Variants in NEDD4 observed in about 807,000 individuals in gnomAD.
NEDD4 encodes NEDD4 E3 ubiquitin protein ligase, also known as E3 ubiquitin-protein ligase NEDD4.
NEDD4 carries 99 observed loss-of-function variants against 144.9 expected under a neutral mutation model. That is an observed-to-expected ratio of 0.68 (90% CI 0.58 to 0.81). The LOEUF (loss-of-function observed/expected upper bound fraction) is 0.81, where lower values mean the gene tolerates loss of function less well. Among genes scored for constraint, NEDD4 ranks in the 30% least tolerant of loss-of-function variants. The pLI is 0.00. For synonymous variants in NEDD4, 318 were observed against 350.6 expected, an observed-to-expected ratio of 0.91 and a Z score of 1.04; for missense variants, 985 against 1,065.9, an observed-to-expected ratio of 0.92 and a Z score of 1.06.
rs534477219 is a variant in NEDD4 at position 55,920,384 on chromosome 15, G to A, written c.291+4262C>T. ...TAAAACCGGTGGCTGAATGTGTACAGGTGTATATCTTAGACTGGTGACACA... is the reference window on the plus strand; with the variant it reads ...TAAAACCGGTGGCTGAATGTGTACAAGTGTATATCTTAGACTGGTGACACA... On this transcript the variant is annotated intron_variant, in intron 5 of 28. Coordinates refer to ENST00000435532, the MANE Select transcript of NEDD4 (RefSeq NM_006154.4). Among the ~76,000 whole-genome samples the A allele has an allele frequency of 1.2e-4, 19 of 152,182 alleles. No homozygotes were observed. The South Asian group carries it at 4.0e-3, about 32-fold the overall frequency.
rs1196664732 is a variant in NEDD4 at position 55,834,041 on chromosome 15, C to T, written c.2427G>A (p.Trp809Ter). 6.2e-7 allele frequency: 1 copy of T among 1,605,814 alleles called. No homozygotes were observed. The highest frequency in any genetic ancestry group is 8.5e-7 in the Non-Finnish European group (1 of 1,177,184). Residue 809 changes from tryptophan to a stop codon, truncating the protein, a stop_gained, in exon 26 of 29, where the codon TGG (tryptophan) becomes TGA (stop). Coordinates refer to ENST00000435532, the MANE Select transcript of NEDD4 (RefSeq NM_006154.4). LOFTEE classifies it high-confidence loss of function. ...GAAAATAGAAGTTTCAAATTACCTT[C>T]CAAAACCACTGTATAACCTGATGAT... ...SANHQVIQWF[W>*]KAVLMMDSEK...
intron 4 of NEDD4, among the ~76,000 whole-genome samples, chr15:55,927,638 A>G (rs1294927652): frequency 6.6e-6 from 1 of 152,196 alleles, no homozygotes; most frequent in Non-Finnish European, 1.5e-5. Context: ...GACATCCAGA[A>G]GAAGAGTTAA....
At chr15:55,862,397 A>C (rs940438025) in intron 9 of NEDD4, among the ~76,000 whole-genome samples, 5 of 152,212 alleles carry the variant, frequency 3.3e-5, no homozygotes, top group African/African-American at 1.2e-4. Flanking sequence ...AGGAGACAGA[A>C]GTTAGAATAT....
At chr15:55,948,405 T>C (rs2037166106) in intron 4 of NEDD4, among the ~76,000 whole-genome samples, 1 of 152,162 alleles carries the variant, frequency 6.6e-6, no homozygotes, top group African/African-American at 2.4e-5. Flanking sequence ...TTTAATGCCA[T>C]CTCCATCAAG....
chr15:55,944,533 TA>T (rs1259873960), intron 4 of NEDD4, among the ~76,000 whole-genome samples: 1 of 152,206 alleles, frequency 6.6e-6, no homozygotes, highest in African/African-American at 2.4e-5. Context: ...GCCTACTGCC[TA>T]TATAGACTCA....
chr15:55,906,297 A>G (rs1269310733), intron 5 of NEDD4, among the ~76,000 whole-genome samples: 4 of 152,190 alleles, frequency 2.6e-5, no homozygotes, highest in Non-Finnish European at 5.9e-5. Flanking sequence ...TACCCAAAGG[A>G]TTATAAATCA....
chr15:55,942,510 T>C (rs186238253), intron 4 of NEDD4, among the ~76,000 whole-genome samples: 1 of 152,274 alleles, frequency 6.6e-6, no homozygotes, highest in African/African-American at 2.4e-5. Context: ...TGTGTAGTAC[T>C]TCCCCCTTCA....
At position 55,833,125 on chromosome 15, in the gene NEDD4, A is replaced by G. The variant is rs1379039944; in HGVS notation, c.2431-21T>C. Reference sequence around the variant, plus strand: ...ACAGCCTGAATAAGATAAAAACATCATTTAGGGAACAGCACTGGGAAAGAG... The same window carrying G: ...ACAGCCTGAATAAGATAAAAACATCGTTTAGGGAACAGCACTGGGAAAGAG... On this transcript the variant is annotated intron_variant, in intron 26 of 28. Transcript: ENST00000435532. The G allele has an allele frequency of 2.0e-6, 3 of 1,507,536 alleles. No homozygotes were observed. In the South Asian group the frequency reaches 3.4e-5, roughly 17 times the overall value. 93.4% of individuals were successfully genotyped at this position (1,507,536 alleles called of 1,614,324 possible). A position where few individuals can be genotyped will look rare whatever the true frequency, so the allele number is the denominator to read the frequency against.
In NEDD4 at chr15:55,921,174, C is replaced by T. The variant is rs2036562489; in HGVS notation, c.291+3472G>A. 2.0e-5 allele frequency among the ~76,000 whole-genome samples: 3 copies of T among 152,198 alleles called. No homozygotes were observed. In the South Asian group the frequency reaches 6.2e-4, roughly 32 times the overall value. The stretch of plus-strand genomic sequence containing the variant: ...CCTCACAATATGCTTATGAGATAGG[C>T]AGGGCAAATATTGTTGTCCTCATTT... On this transcript the variant is annotated intron_variant, in intron 5 of 28. Transcript: ENST00000435532.
At chr15:55,987,041 C>T (rs1365691995) in intron 1 of NEDD4, among the ~76,000 whole-genome samples, 6 of 144,410 alleles carry the variant, frequency 4.2e-5, no homozygotes, top group Non-Finnish European at 9.1e-5. Flanking sequence ...CCTGAGGAAT[C>T]GCCACACTGA....
At chr15:55,980,714 T>C (rs1229302050) in intron 1 of NEDD4, among the ~76,000 whole-genome samples, 3 of 152,170 alleles carry the variant, frequency 2.0e-5, no homozygotes, top group Non-Finnish European at 2.9e-5. Context: ...CCAGATGGAA[T>C]GCAACATAGC....
intron 5 of NEDD4, chr15:55,917,124 G>A (rs559273293): frequency 6.0e-5 from 69 of 1,141,788 alleles, no homozygotes; most frequent in Non-Finnish European, 7.2e-5. Flanking sequence ...GCTGAGCTCA[G>A]CTGCAGCACA....
intron 28 of NEDD4, 49 bp downstream of exon 28, chr15:55,830,465 A>C (rs777383044): frequency 2.4e-5 from 36 of 1,491,440 alleles, no homozygotes; most frequent in Admixed American, 1.2e-4. Flanking sequence ...TAACAGAGGA[A>C]TCTCACTCTC....
intron 4 of NEDD4, among the ~76,000 whole-genome samples, chr15:55,945,523 C>A (rs558532520): frequency 6.6e-6 from 1 of 151,642 alleles, no homozygotes; most frequent in African/African-American, 2.4e-5. Flanking sequence ...GTGAAAAGAC[C>A]AACTCTATGT....
chr15:55,988,487 T>TAAAAAAAAAAAAAAAAAAAAATA (rs56688563), intron 1 of NEDD4, among the ~76,000 whole-genome samples: 1 of 101,710 alleles, frequency 9.8e-6, no homozygotes, highest in African/African-American at 4.1e-5. Context: ...AAAAAAAAAT[T>TAAAAAAAAAAAAAAAAAAAAATA]AAAAAAAAAA....
At position 55,838,172 on chromosome 15, in the gene NEDD4, TTGA is replaced by T; in HGVS notation, c.2133_2135del (p.His711del). ...CTGATCCACCATTTTTCAGCTCATG[TTGA>T]TGTGTCTAAAATTAAACACAATAAC... is the stretch of plus-strand genomic sequence containing the variant. On this transcript the variant is annotated inframe_deletion, in exon 23 of 29. Transcript: ENST00000435532. 1 of 1,594,774 alleles carries T rather than the reference TTGA, an allele frequency of 6.3e-7. No homozygotes were observed. The highest frequency in any genetic ancestry group is 8.6e-7 in the Non-Finnish European group (1 of 1,167,834).
intron 4 of NEDD4, among the ~76,000 whole-genome samples, chr15:55,945,095 C>A (rs766620184): frequency 7.9e-5 from 12 of 151,936 alleles, no homozygotes; most frequent in African/African-American, 1.9e-4. Context: ...AAAACCAGAG[C>A]GCATCTTCTC....
At chr15:55,946,750 G>C (rs1292946092) in intron 4 of NEDD4, among the ~76,000 whole-genome samples, 1 of 152,080 alleles carries the variant, frequency 6.6e-6, no homozygotes, top group Non-Finnish European at 1.5e-5. Context: ...TGACCACATA[G>C]TTGGAAGTAA....
chr15:55,912,659 T>C (rs1222714338), intron 5 of NEDD4, among the ~76,000 whole-genome samples: 5 of 152,062 alleles, frequency 3.3e-5, no homozygotes, highest in Non-Finnish European at 7.4e-5. Context: ...ACTATACAGA[T>C]TTAGAAATCT....
Sources: allele counts gnomAD v4.1 joint callset (sites outside exome capture counted in the v4.1 genomes callset), GRCh38; gene constraint gnomAD v4.1.1; transcripts MANE v1.5; gene names NCBI Gene and HGNC (gene_info 2026-07-23, HGNC 2026-07-21).